CNTN5: variants seen among roughly 807,000 people sequenced by gnomAD.
CNTN5 encodes the protein contactin-5.
In CNTN5, 77 loss-of-function variants were observed where a neutral mutation model predicts 129.1. The ratio of observed to expected loss-of-function variants is 0.60; its 90% confidence interval spans 0.50 to 0.72. CNTN5 has a LOEUF of 0.72. Ranked by LOEUF, CNTN5 falls within the 30% of genes least tolerant of loss-of-function variation. The pLI, the probability that CNTN5 is intolerant of heterozygous loss-of-function variation, is 0.00. For synonymous variants in CNTN5, 509 were observed against 465.6 expected (o/e 1.09, Z -1.20); for missense variants, 1,478 against 1,328.8 (o/e 1.11, Z -1.75).
chr11:100,136,374 C>T (rs1013402526), intron 13 of CNTN5, among the ~76,000 whole-genome samples: 3 of 151,976 alleles, frequency 2.0e-5, no homozygotes, highest in Admixed American at 6.6e-5. Context: ...GGACTTAGAG[C>T]CTGCCAGAAA....
chr11:100,262,570 G>C (rs1241920930), intron 17 of CNTN5, among the ~76,000 whole-genome samples: 1 of 152,162 alleles, frequency 6.6e-6, no homozygotes, highest in East Asian at 1.9e-4. Flanking sequence ...CCTGGATGAA[G>C]AAAATGTGGC....
chr11:99,382,851 T>G (rs1167307761), intron 2 of CNTN5, among the ~76,000 whole-genome samples: 2 of 81,774 alleles, frequency 2.4e-5, no homozygotes, highest in Non-Finnish European at 5.1e-5. Context: ...ATAACTTTTT[T>G]TTTTTTTTTT....
intron 1 of CNTN5, among the ~76,000 whole-genome samples, chr11:99,083,088 G>T (rs1350972581): frequency 3.3e-5 from 5 of 151,904 alleles, no homozygotes; most frequent in African/African-American, 1.2e-4. Flanking sequence ...CCAGAGAATT[G>T]ACAAGGGTTG....
chr11:99,978,067 G>A (rs935055490), intron 8 of CNTN5, among the ~76,000 whole-genome samples: 13 of 152,154 alleles, frequency 8.5e-5, no homozygotes, highest in Admixed American at 6.5e-4. Flanking sequence ...AATTCCAGTC[G>A]CCTAGTGACT....
intron 3 of CNTN5, among the ~76,000 whole-genome samples, chr11:99,806,655 A>G (rs371352064): frequency 7.9e-5 from 12 of 151,980 alleles, no homozygotes; most frequent in African/African-American, 2.9e-4. Context: ...AAAAATACGA[A>G]AATTAGTCAG....
intron 1 of CNTN5, among the ~76,000 whole-genome samples, chr11:99,235,569 CT>C (rs1201632978): frequency 6.6e-6 from 1 of 152,052 alleles, no homozygotes; most frequent in Non-Finnish European, 1.5e-5. Flanking sequence ...AGATAATATC[CT>C]TACAATAGGT....
intron 6 of CNTN5, among the ~76,000 whole-genome samples, chr11:99,911,204 T>C (rs529226973): frequency 3.0e-3 from 451 of 152,166 alleles, no homozygotes; most frequent in Middle Eastern, 3.4e-3. Context: ...ATAAAAAATT[T>C]TAAAATTTGC....
chr11:99,602,046 T>C (rs1244610473), intron 3 of CNTN5, among the ~76,000 whole-genome samples: 2 of 152,130 alleles, frequency 1.3e-5, no homozygotes, highest in Non-Finnish European at 2.9e-5. Context: ...GAGATATGCA[T>C]ACATATATAA....
chr11:99,797,921 A>G (rs1167708740), intron 3 of CNTN5, among the ~76,000 whole-genome samples: 3 of 152,194 alleles, frequency 2.0e-5, no homozygotes, highest in Admixed American at 1.3e-4. Context: ...ATTTAAAAAT[A>G]TAGCCTCTGC....
chr11:99,793,569 C>T (rs748191339), intron 3 of CNTN5, among the ~76,000 whole-genome samples: 1 of 152,110 alleles, frequency 6.6e-6, no homozygotes, highest in Non-Finnish European at 1.5e-5. Context: ...TTTTTATAAG[C>T]TTCCCTCTTA....
intron 2 of CNTN5, among the ~76,000 whole-genome samples, chr11:99,494,232 A>G (rs1435339534): frequency 6.6e-6 from 1 of 152,178 alleles, no homozygotes; most frequent in Non-Finnish European, 1.5e-5. Flanking sequence ...CCCAGATGGA[A>G]TGCCTCTTAA....
rs1948834777 is a variant in CNTN5 at position 99,883,958 on chromosome 11, C to G, written c.578-32096C>G. Among the ~76,000 whole-genome samples the G allele has an allele frequency of 2.0e-5, 3 of 152,158 alleles. No individual in the cohort carries two copies. The South Asian group carries it at 6.2e-4, about 31-fold the overall frequency. On this transcript the variant is annotated intron_variant, in intron 6 of 24. Coordinates refer to ENST00000524871, the MANE Select transcript of CNTN5 (RefSeq NM_014361.4). ...AATTTTCTGCATGATATTGCTTCTA[C>G]CTTTTAAATCACTGGTAAAAATTCA...
intron 3 of CNTN5, among the ~76,000 whole-genome samples, chr11:99,677,639 T>G (rs1056773560): frequency 6.6e-6 from 1 of 152,274 alleles, no homozygotes; most frequent in African/African-American, 2.4e-5. Context: ...GATTTCAAAG[T>G]CCACATTAAA....
intron 1 of CNTN5, among the ~76,000 whole-genome samples, chr11:99,127,889 T>C (rs1390203467): frequency 6.6e-6 from 1 of 152,218 alleles, no homozygotes; most frequent in African/African-American, 2.4e-5. Flanking sequence ...TTCATTCTTA[T>C]TTATCTAGCT....
chr11:100,307,516 C>CAA (rs34148781), intron 20 of CNTN5, among the ~76,000 whole-genome samples: 2 of 146,446 alleles, frequency 1.4e-5, no homozygotes, highest in African/African-American at 2.5e-5. Context: ...TTGTGTATTT[C>CAA]AAAAAAAAAA....
chr11:99,329,909 G>C (rs1173270342), intron 2 of CNTN5, among the ~76,000 whole-genome samples: 1 of 109,546 alleles, frequency 9.1e-6, no homozygotes, highest in African/African-American at 3.3e-5. Flanking sequence ...ACATATACAA[G>C]CAGTGACACA....
At chr11:99,183,020 G>A (rs1263495969) in intron 1 of CNTN5, among the ~76,000 whole-genome samples, 5 of 152,104 alleles carry the variant, frequency 3.3e-5, no homozygotes, top group African/African-American at 1.2e-4. Context: ...TCACATAGAA[G>A]CCACTCAAAT....
intron 16 of CNTN5, among the ~76,000 whole-genome samples, chr11:100,237,107 T>G (rs1034461425): frequency 4.1e-5 from 6 of 145,206 alleles, no homozygotes; most frequent in African/African-American, 1.6e-4. Flanking sequence ...GAGAATGGCG[T>G]GAACCCGGGA....
intron 17 of CNTN5, among the ~76,000 whole-genome samples, chr11:100,259,222 G>T (rs2138739986): frequency 6.6e-6 from 1 of 152,226 alleles, no homozygotes. Flanking sequence ...ATGGTAAAGG[G>T]ATCAATGCAA....
Sources: gnomAD v4.1 joint callset for allele counts (sites outside exome capture counted in the v4.1 genomes callset) on GRCh38, gnomAD v4.1.1 for gene constraint, MANE v1.5 for transcripts, NCBI Gene and HGNC (gene_info 2026-07-23, HGNC 2026-07-21) for gene names.